LUC7L3: variants seen among roughly 807,000 people sequenced by gnomAD.
LUC7L3 encodes the protein LUC7 like 3 pre-mRNA splicing factor.
A neutral mutation model predicts 66.8 loss-of-function variants in LUC7L3; 6 were observed. That is an observed-to-expected ratio of 0.09 (90% confidence interval 0.05 to 0.18). LUC7L3 has a LOEUF of 0.18. LUC7L3 is among the 10% of genes least tolerant of loss of function. The pLI, the probability that LUC7L3 is intolerant of heterozygous loss-of-function variation, is 1.00. For missense variants in LUC7L3, 341 were observed against 531.1 expected (o/e 0.64, Z 3.52); for synonymous variants, 160 against 174.7 (o/e 0.92, Z 0.66).
chr17:50,725,763 G>A (rs1261410887), intron 1 of LUC7L3, among the ~76,000 whole-genome samples: 7 of 151,952 alleles, frequency 4.6e-5, no homozygotes, highest in African/African-American at 2.4e-5. Context: ...TTTAAGAAAA[G>A]ATAAGTACAT....
In LUC7L3 at chr17:50,752,019, G is replaced by T. The variant is rs1970994765; in HGVS notation, c.*1358G>T. On this transcript the variant is annotated 3_prime_UTR_variant, in exon 10 of 10. Transcript: ENST00000505658. ...GTCTGTGTATGTCATTCACACTTAGGCAAGCATACACAGGCACATGGCTTT... is the reference window on the plus strand; with the variant it reads ...GTCTGTGTATGTCATTCACACTTAGTCAAGCATACACAGGCACATGGCTTT... 1 of 1,100,400 alleles carries T rather than the reference G, an allele frequency of 9.1e-7. No individual in the cohort carries two copies. Among genetic ancestry groups the T allele is most frequent in the African/African-American group, 1.7e-5 (1 of 59,132 alleles). 68.2% of individuals were successfully genotyped at this position (1,100,400 alleles called of 1,614,324 possible).
chr17:50,728,191 G>A (rs1407532911), intron 1 of LUC7L3, among the ~76,000 whole-genome samples: 1 of 152,008 alleles, frequency 6.6e-6, no homozygotes. Context: ...ATAACTGAAG[G>A]CTTCTAAGCA....
chr17:50,750,358 C>T (rs1970920633), intron 9 of LUC7L3, 143 bp from the exon 10 acceptor site: 2 of 750,332 alleles, frequency 2.7e-6, no homozygotes, highest in Non-Finnish European at 2.2e-6. Flanking sequence ...AATTTTATCC[C>T]TTTGGTAAAT....
In LUC7L3 at chr17:50,739,664, AAACAAC is replaced by A. The variant is rs531274506; in HGVS notation, c.167-628_167-623del. Among the ~76,000 whole-genome samples the A allele has an allele frequency of 3.4e-3, 518 of 152,184 alleles. 2 individuals are homozygous for A. The highest frequency in any genetic ancestry group is 3.4e-3 in the Non-Finnish European group (234 of 67,996). ...GCAAGACTCTATCTCAAAAAAAACA[AAACAAC>A]AACAACAACAACAGAAAACATCAGA... On this transcript the variant is annotated intron_variant, in intron 2 of 9. Transcript: ENST00000505658.
At chr17:50,740,716 G>T (rs574858593) in intron 3 of LUC7L3, among the ~76,000 whole-genome samples, 1 of 152,256 alleles carries the variant, frequency 6.6e-6, no homozygotes, top group South Asian at 2.1e-4. Context: ...CCACCACCAT[G>T]CCTGACTAAT....
chr17:50,753,472 A>G lies in LUC7L3; in HGVS notation c.*2811A>G, dbSNP rs1272484077. The stretch of plus-strand genomic sequence containing the variant: ...CTCTTCCACCAAACTTTGAAAAATA[A>G]TGAAGCCGCCCCCACTTTAGAGGCT... On this transcript the variant is annotated 3_prime_UTR_variant, in exon 10 of 10. Coordinates refer to ENST00000505658, the MANE Select transcript of LUC7L3 (RefSeq NM_016424.5). 1 of 152,348 alleles carries G rather than the reference A, an allele frequency of 6.6e-6. No individual in the cohort carries two copies. The highest frequency in any genetic ancestry group is 1.5e-5 in the Non-Finnish European group (1 of 68,028). 9.4% of individuals were successfully genotyped at this position (152,348 alleles called of 1,614,324 possible).
Position 50,745,889 on chromosome 17 carries a change from A to G in LUC7L3, c.863A>G (p.Glu288Gly). 1 of 1,612,034 alleles carries G rather than the reference A, an allele frequency of 6.2e-7. No homozygotes were observed. The highest frequency in any genetic ancestry group is 8.5e-7 in the Non-Finnish European group (1 of 1,178,824). The stretch of plus-strand genomic sequence containing the variant: ...GAAAAAGAAAGGGCTCGTGACAGAG[A>G]AAGAAGAAAGAGAAGTCGTTCACGA... ...EREKERARDR[E>G]RRKRSRSRSR... The change falls in exon 8 of 10, where the codon GAA becomes GGA. Residue 288 changes from glutamate to glycine, a missense_variant. By Grantham distance (98) the Glu-to-Gly change is moderately conservative. This residue lies in a region of LUC7L3 where 210 missense variants were observed against 238.1 expected (regional missense o/e 0.88). Transcript: ENST00000505658.
chr17:50,726,823 C>T (rs905053477), intron 1 of LUC7L3, among the ~76,000 whole-genome samples: 5 of 152,200 alleles, frequency 3.3e-5, no homozygotes, highest in Admixed American at 2.6e-4. Context: ...GGCACGGTGG[C>T]TTACGTCTTT....
intron 2 of LUC7L3, among the ~76,000 whole-genome samples, chr17:50,738,716 G>A (rs1970152527): frequency 1.3e-5 from 2 of 152,094 alleles, no homozygotes; most frequent in South Asian, 4.1e-4. Context: ...CTTAGTCCAG[G>A]AACTGTACTA....
intron 9 of LUC7L3, 56 bp from the exon 10 acceptor site, chr17:50,750,445 A>T (rs1970925354): frequency 2.0e-6 from 3 of 1,504,522 alleles, no homozygotes; most frequent in Non-Finnish European, 2.7e-6. Flanking sequence ...TTTCAAAATC[A>T]TGTCTTTATT....
intron 1 of LUC7L3, among the ~76,000 whole-genome samples, chr17:50,725,555 C>T (rs923978369): frequency 2.6e-5 from 4 of 151,978 alleles, no homozygotes; most frequent in Non-Finnish European, 5.9e-5. Context: ...TGAATGTAAA[C>T]GCATTTCCAT....
intron 1 of LUC7L3, among the ~76,000 whole-genome samples, chr17:50,720,663 C>G (rs888212477): frequency 2.0e-5 from 3 of 152,168 alleles, no homozygotes; most frequent in Non-Finnish European, 4.4e-5. Flanking sequence ...AGAATAGATA[C>G]AGAATTTAAT....
At chr17:50,721,526 C>T (rs530845853) in intron 1 of LUC7L3, among the ~76,000 whole-genome samples, 1 of 152,282 alleles carries the variant, frequency 6.6e-6, no homozygotes, top group African/African-American at 2.4e-5. Context: ...GTATTTAATG[C>T]CTTAATGACA....
In LUC7L3 at chr17:50,746,682, A is replaced by G. The variant is rs1272871916; in HGVS notation, c.1118A>G (p.Asp373Gly). ...AGCAAAAGTCGGGACAGAGAACAAG[A>G]TAGAAAATCCAAGGAGAAAGGTTAG... ...HRSKSRDREQ[D>G]RKSKEKEKRG... Residue 373 changes from aspartate (D) to glycine (G), a missense_variant, in exon 9 of 10, where the codon GAT becomes GGT. Around this residue, in one of 6 missense-constraint regions of LUC7L3, gnomAD observed 210 missense variants for 238.1 expected, o/e 0.88. Transcript: ENST00000505658. The G allele has an allele frequency of 1.2e-6, 2 of 1,613,214 alleles. No homozygotes were observed. Among genetic ancestry groups the G allele is most frequent in the African/African-American group, 2.7e-5 (2 of 74,844 alleles).
In LUC7L3 at chr17:50,726,183, G is replaced by GTTGT. The variant is rs541882697; in HGVS notation, c.99+6355_99+6358dup. Among the ~76,000 whole-genome samples the GTTGT allele has an allele frequency of 1.9e-3, 287 of 151,930 alleles. 3 individuals are homozygous for GTTGT. Among genetic ancestry groups the GTTGT allele is most frequent in the Non-Finnish European group, 3.2e-4 (22 of 67,954 alleles). On this transcript the variant is annotated intron_variant, in intron 1 of 9. Transcript: ENST00000505658. Reference sequence around the variant, plus strand: ...ACTTGTTGTTTTGCTTTTTGTTGTTGTTGTTTTTGAGACAGTCTTGCTCTG... The same window carrying GTTGT: ...ACTTGTTGTTTTGCTTTTTGTTGTTGTTGTTTGTTTTTGAGACAGTCTTGCTCTG...
chr17:50,743,209 T>A lies in LUC7L3; in HGVS notation c.427-497T>A, dbSNP rs11355509. Among the ~76,000 whole-genome samples the A allele has an allele frequency of 6.8e-3, 622 of 91,266 alleles. 1 individual carries two copies. The highest frequency in any genetic ancestry group is 0.019 in the African/African-American group (450 of 23,498). 59.9% of individuals were successfully genotyped at this position (91,266 alleles called of 152,430 possible). A position where few individuals can be genotyped will look rare whatever the true frequency, so the allele number is the denominator to read the frequency against. On this transcript the variant is annotated intron_variant, in intron 5 of 9. Coordinates refer to ENST00000505658, the MANE Select transcript of LUC7L3 (RefSeq NM_016424.5). ...GTGAGACGCTGTCTTTCCTTTTTTT[T>A]AAAAAAAAAAACAGAGTCTCACGTC...
At chr17:50,730,791 T>C (rs1427803301) in intron 1 of LUC7L3, among the ~76,000 whole-genome samples, 3 of 151,566 alleles carry the variant, frequency 2.0e-5, no homozygotes, top group Non-Finnish European at 4.4e-5. Flanking sequence ...AATAGAAAAA[T>C]TAGCCAGGCA....
chr17:50,743,365 ATTTT>A (rs997074907), intron 5 of LUC7L3, among the ~76,000 whole-genome samples: 1 of 146,944 alleles, frequency 6.8e-6, no homozygotes, highest in Non-Finnish European at 1.5e-5. Context: ...TGCCTGGCTA[ATTTT>A]TTTTTTTTAT....
Position 50,741,236 on chromosome 17 carries a change from A to C in LUC7L3, c.341A>C (p.Gln114Pro), listed in dbSNP as rs1970328458. 1 of 1,614,164 alleles carries C rather than the reference A, an allele frequency of 6.2e-7. No individual in the cohort carries two copies. Among genetic ancestry groups the C allele is most frequent in the East Asian group, 2.2e-5 (1 of 44,890 alleles). The stretch of plus-strand genomic sequence containing the variant: ...CGTTTGGCATTATCTCAAAACCAGC[A>C]GTCTTCTGGGGTAAGTGAAGTCAAT... The part of the protein sequence containing the change: ...HARLALSQNQ[Q>P]SSGAAGPTGK... Residue 114 changes from glutamine to proline, a missense_variant, in exon 4 of 10, where the codon CAG (glutamine) becomes CCG (proline). By Grantham distance (76) the Gln-to-Pro change is moderately conservative. Transcript: ENST00000505658.
Sources: allele counts gnomAD v4.1 joint callset (sites outside exome capture counted in the v4.1 genomes callset), GRCh38; gene constraint gnomAD v4.1.1; regional missense constraint gnomAD v4.1.1; transcripts MANE v1.5; gene names NCBI Gene and HGNC (gene_info 2026-07-23, HGNC 2026-07-21).